Variants in OGDH observed in about 807,000 individuals in gnomAD.
OGDH encodes the protein 2-oxoglutarate dehydrogenase complex component E1.
OGDH carries 38 observed loss-of-function variants against 116.6 expected under a neutral mutation model. The ratio of observed to expected loss-of-function variants is 0.33; its 90% confidence interval spans 0.25 to 0.43. The LOEUF is 0.43. Ranked by LOEUF, OGDH falls within the 20% of genes least tolerant of loss-of-function variation. OGDH has a pLI of 1.00. For synonymous variants in OGDH, 488 were observed against 533.3 expected, an observed-to-expected ratio of 0.92 and a Z score of 1.17; for missense variants, 825 against 1,357.2, an observed-to-expected ratio of 0.61 and a Z score of 6.16.
chr7:44,674,773 A>G (rs1279161593), intron 7 of OGDH: 1 of 587,124 alleles, frequency 1.7e-6, no homozygotes, highest in African/African-American at 1.9e-5. Context: ...CCAAAGCCAC[A>G]TGTAGTTTCA....
chr7:44,612,634 C>T (rs978423332), intron 1 of OGDH, among the ~76,000 whole-genome samples: 2 of 152,032 alleles, frequency 1.3e-5, no homozygotes, highest in South Asian at 2.1e-4. Context: ...CCACTCGCCT[C>T]GGCCTCCCAA....
intron 2 of OGDH, among the ~76,000 whole-genome samples, chr7:44,636,279 T>A (rs1477435982): frequency 6.6e-6 from 1 of 152,136 alleles, no homozygotes; most frequent in African/African-American, 2.4e-5. Context: ...AGATGGTATA[T>A]TTGCCACCCT....
intron 5 of OGDH, among the ~76,000 whole-genome samples, chr7:44,671,767 CAA>C (rs758716419): frequency 2.7e-4 from 14 of 51,200 alleles, no homozygotes; most frequent in East Asian, 5.2e-4. Context: ...GACTGCGTCT[CAA>C]AAAAAAAAAA....
intron 9 of OGDH, among the ~76,000 whole-genome samples, chr7:44,679,441 G>A (rs1787835839): frequency 6.6e-6 from 1 of 152,148 alleles, no homozygotes; most frequent in Non-Finnish European, 1.5e-5. Flanking sequence ...CAGGACACCT[G>A]CAGTTCTGTT....
intron 9 of OGDH, among the ~76,000 whole-genome samples, chr7:44,677,517 G>A (rs1295805085): frequency 6.6e-6 from 1 of 152,144 alleles, no homozygotes; most frequent in Non-Finnish European, 1.5e-5. Flanking sequence ...GGGACACAGA[G>A]CAGGGAGGGG....
intron 1 of OGDH, among the ~76,000 whole-genome samples, chr7:44,620,720 A>G (rs1421629545): frequency 6.6e-6 from 1 of 151,780 alleles, no homozygotes; most frequent in Non-Finnish European, 1.5e-5. Flanking sequence ...ACAAGTTTGT[A>G]AACTTTGTTA....
intron 19 of OGDH, among the ~76,000 whole-genome samples, chr7:44,700,908 TAGG>T (rs1206610909): frequency 6.6e-6 from 1 of 151,840 alleles, no homozygotes; most frequent in Non-Finnish European, 1.5e-5. Context: ...CCCAGCTACT[TAGG>T]AGGCTGAGGC....
At chr7:44,631,009 C>T (rs1278734080) in intron 2 of OGDH, among the ~76,000 whole-genome samples, 1 of 152,140 alleles carries the variant, frequency 6.6e-6, no homozygotes, top group Non-Finnish European at 1.5e-5. Flanking sequence ...TGGTAATGCT[C>T]GCTTGCCGCT....
intron 20 of OGDH, among the ~76,000 whole-genome samples, chr7:44,705,695 G>A (rs1789039679): frequency 6.6e-6 from 1 of 152,054 alleles, no homozygotes; most frequent in Non-Finnish European, 1.5e-5. Context: ...GAGCCACTGT[G>A]CCCAGACTTT....
intron 2 of OGDH, 110 bp downstream of exon 2, chr7:44,624,675 C>A: frequency 2.2e-6 from 2 of 908,080 alleles, no homozygotes; most frequent in Non-Finnish European, 1.8e-6. Context: ...AGACAGGCAG[C>A]TGGAGCGCCA....
chr7:44,612,121 T>C (rs940876108), intron 1 of OGDH, among the ~76,000 whole-genome samples: 2 of 152,202 alleles, frequency 1.3e-5, no homozygotes, highest in Non-Finnish European at 1.5e-5. Flanking sequence ...TTTTTGCTTA[T>C]GAATATCTAA....
chr7:44,700,404 T>C, intron 19 of OGDH, 135 bp downstream of exon 19: 1 of 1,149,138 alleles, frequency 8.7e-7, no homozygotes. Flanking sequence ...CAGGACATGG[T>C]GTCAGGGAGC....
chr7:44,674,485 C>G lies in OGDH; in HGVS notation c.863C>G (p.Pro288Arg). ...FGLEGCEVLI[P>R]ALKTIIDKSS... ...CTAGAAGGCTGCGAGGTACTGATCC[C>G]TGCCCTCAAGACCATCATTGACAAG... The change falls in exon 7 of 23, where the codon CCT (proline) becomes CGT (arginine). Residue 288 changes from proline (P) to arginine (R), a missense_variant. Transcript: ENST00000222673. 6.2e-7 allele frequency: 1 copy of G among 1,614,168 alleles called. No individual in the cohort carries two copies. The highest frequency in any genetic ancestry group is 8.5e-7 in the Non-Finnish European group (1 of 1,180,038).
At chr7:44,690,497 A>G (rs1788321099) in intron 10 of OGDH, among the ~76,000 whole-genome samples, 1 of 152,182 alleles carries the variant, frequency 6.6e-6, no homozygotes, top group Non-Finnish European at 1.5e-5. Flanking sequence ...ATATACTAAG[A>G]GGTATTATTA....
At chr7:44,686,301 C>T (rs1158798854) in intron 10 of OGDH, among the ~76,000 whole-genome samples, 1 of 152,122 alleles carries the variant, frequency 6.6e-6, no homozygotes, top group African/African-American at 2.4e-5. Context: ...GTAGATGTCC[C>T]TTACCATGGC....
At chr7:44,690,818 T>C (rs1027944567) in intron 10 of OGDH, among the ~76,000 whole-genome samples, 4 of 152,250 alleles carry the variant, frequency 2.6e-5, no homozygotes, top group Non-Finnish European at 5.9e-5. Flanking sequence ...TTATGATCAC[T>C]GACTTCCTGC....
chr7:44,668,750 CAT>C (rs1787296512), intron 5 of OGDH, among the ~76,000 whole-genome samples: 1 of 152,184 alleles, frequency 6.6e-6, no homozygotes, highest in South Asian at 2.1e-4. Flanking sequence ...CTACTAGCCA[CAT>C]GTTACTATTG....
intron 2 of OGDH, among the ~76,000 whole-genome samples, chr7:44,632,167 T>A (rs542071787): frequency 6.6e-6 from 1 of 152,220 alleles, no homozygotes; most frequent in African/African-American, 2.4e-5. Context: ...AGAGCAAGTT[T>A]GAGGATGTGG....
chr7:44,662,792 C>G (rs544555411), intron 4 of OGDH, among the ~76,000 whole-genome samples: 1 of 152,298 alleles, frequency 6.6e-6, no homozygotes, highest in Admixed American at 6.5e-5. Flanking sequence ...TCCATGGTTT[C>G]TGATGAGAAC....
Sources: gnomAD v4.1 joint callset for allele counts (sites outside exome capture counted in the v4.1 genomes callset) on GRCh38, gnomAD v4.1.1 for gene constraint, MANE v1.5 for transcripts, NCBI Gene and HGNC (gene_info 2026-07-23, HGNC 2026-07-21) for gene names.